TTN: variants seen among roughly 807,000 people sequenced by gnomAD.
The protein encoded by TTN is titin.
Under a neutral mutation model 3,223.0 loss-of-function variants are expected in TTN, and 1,525 were observed. The ratio of observed to expected loss-of-function variants is 0.47; its 90% confidence interval spans 0.45 to 0.49. TTN has a LOEUF of 0.49. TTN is among the 20% of genes least tolerant of loss of function. The pLI is 0.00. For missense variants in TTN, 40,786 were observed against 43,424.0 expected (o/e 0.94, Z 5.40); for synonymous variants, 14,094 against 15,161.0 (o/e 0.93, Z 5.17).
intron 168 of TTN, 99 bp downstream of exon 168, chr2:178,664,361 T>C (rs1577111935): frequency 1.1e-6 from 1 of 951,704 alleles, no homozygotes; most frequent in East Asian, 2.4e-5. Context: ...ACAGACATGA[T>C]TCACATGTAC....
At chr2:178,554,343 T>C in intron 332 of TTN, 110 bp downstream of exon 332, 4 of 1,423,762 alleles carry the variant, frequency 2.8e-6, no homozygotes, top group East Asian at 2.3e-5. Context: ...GTGAAAAGGA[T>C]GGTAATGAGA....
In TTN at chr2:178,701,528, C is replaced by G. The variant is rs779015756; in HGVS notation, c.30598G>C (p.Glu10200Gln). 142 of 1,612,324 alleles carry G rather than the reference C, an allele frequency of 8.8e-5. No individual in the cohort carries two copies. Among genetic ancestry groups the G allele is most frequent in the Non-Finnish European group, 1.2e-4 (138 of 1,179,252 alleles). The change falls in exon 110 of 363, where the codon GAA (glutamate) becomes CAA (glutamine). Residue 10200 changes from glutamate (E) to glutamine (Q), a missense_variant and splice_region_variant. Physicochemically the swap from Glu to Gln is conservative, Grantham distance 29. Transcript: ENST00000589042. ...TMPIRAVPPE[E>Q]IPPVVAPPIP... Reference sequence around the variant, plus strand: ...CAGATGTTGAGGTTCTGGGTCTTACCTTCTGGTGGCACTGCTCTGATAGGC... The same window carrying G: ...CAGATGTTGAGGTTCTGGGTCTTACGTTCTGGTGGCACTGCTCTGATAGGC...
At chr2:178,641,083 T>G (rs1454059942) in intron 220 of TTN, among the ~76,000 whole-genome samples, 158 bp downstream of exon 220, 1 of 151,934 alleles carries the variant, frequency 6.6e-6, no homozygotes, top group African/African-American at 2.4e-5. Flanking sequence ...ATAAAAATAT[T>G]TAAACAGAAA....
chr2:178,552,274 G>A lies in TTN; in HGVS notation c.90626C>T (p.Ala30209Val). The A allele has an allele frequency of 6.2e-7, 1 of 1,613,432 alleles. No homozygotes were observed. Among genetic ancestry groups the A allele is most frequent in the Non-Finnish European group, 8.5e-7 (1 of 1,179,672 alleles). Residue 30209 changes from alanine to valine, a missense_variant, in exon 335 of 363, where the codon GCA (alanine) becomes GTA (valine). By Grantham distance (64) the Ala-to-Val change is moderately conservative. Coordinates refer to ENST00000589042, the MANE Select transcript of TTN (RefSeq NM_001267550.2). ...GGKYTVILDN[A>V]VCRIAVPITV... is the part of the protein sequence containing the mutation. ...AATGGGGACTGCAATTCTACACACT[G>A]CATTATCAAGAATAACAGTGTATTT...
Position 178,777,303 on chromosome 2 carries a change from C to T in TTN, c.4660G>A (p.Val1554Ile). The change falls in exon 27 of 363, where the codon GTA (valine) becomes ATA (isoleucine). Residue 1554 changes from valine (V) to isoleucine (I), a missense_variant. Coordinates refer to ENST00000589042, the MANE Select transcript of TTN (RefSeq NM_001267550.2). ...AGTTTTTCTACAAACATCGGTTTTA[C>T]CTGATGTTCCACAGCTGAAAGAGAA... ...ILTVEAVEHQ[V>I]KPMFVEKLKN... The T allele has an allele frequency of 1.9e-6, 3 of 1,613,798 alleles. No individual in the cohort carries two copies. Among genetic ancestry groups the T allele is most frequent in the Middle Eastern group, 1.6e-4 (1 of 6,062 alleles).
At chr2:178,622,121 T>C in intron 243 of TTN, 113 bp from the exon 244 acceptor site, 1 of 1,016,590 alleles carries the variant, frequency 9.8e-7, no homozygotes, top group Non-Finnish European at 1.4e-6. Flanking sequence ...GACTTCATAG[T>C]GTGAAGAAGA....
In TTN at chr2:178,746,016, C is replaced by T. The variant is rs876658106; in HGVS notation, c.11312-4095G>A. On this transcript the variant is annotated intron_variant, in intron 47 of 362. Transcript: ENST00000589042. ...ATGGTGAGGAATCCCCGACAGATAG[C>T]CTCTCCTACACAATTCACAGCTCTG... 2 of 1,613,294 alleles carry T rather than the reference C, an allele frequency of 1.2e-6. No homozygotes were observed. Among genetic ancestry groups the T allele is most frequent in the Non-Finnish European group, 1.7e-6 (2 of 1,179,478 alleles).
intron 15 of TTN, among the ~76,000 whole-genome samples, chr2:178,784,703 G>A (rs1561383894): frequency 6.6e-6 from 1 of 152,184 alleles, no homozygotes; most frequent in Non-Finnish European, 1.5e-5. Flanking sequence ...CACAGTGGGA[G>A]ATTCAAAATT....
chr2:178,637,076 T>C (rs1287896465), intron 224 of TTN, among the ~76,000 whole-genome samples: 1 of 147,410 alleles, frequency 6.8e-6, no homozygotes, highest in Non-Finnish European at 1.5e-5. Flanking sequence ...TTATCTGCCA[T>C]GTATAAATAC....
Position 178,595,890 on chromosome 2 carries a change from CA to C in TTN, c.57545-82del, listed in dbSNP as rs2051443586. 10 of 1,360,396 alleles carry C rather than the reference CA, an allele frequency of 7.4e-6. No individual in the cohort carries two copies. The South Asian group carries it at 1.4e-4, about 19-fold the overall frequency. The allele number at this position is 1,360,396 out of a possible 1,614,324, so 84.3% of individuals were successfully genotyped here. A position where few individuals can be genotyped will look rare whatever the true frequency, so the allele number is the denominator to read the frequency against. ...CAACACTTGTTTTTTTAAAAGGAGACAAAAATGTTGTTTTGAAGAAAGTAAG... is the reference window on the plus strand; with the variant it reads ...CAACACTTGTTTTTTTAAAAGGAGACAAAATGTTGTTTTGAAGAAAGTAAG... On this transcript the variant is annotated intron_variant, in intron 294 of 362. Transcript: ENST00000589042.
At chr2:178,668,902 T>G (rs1338430317) in intron 159 of TTN, among the ~76,000 whole-genome samples, 3 of 151,444 alleles carry the variant, frequency 2.0e-5, no homozygotes, top group African/African-American at 7.3e-5. Context: ...GTCGTGAGAA[T>G]TCTTTTGAGG....
chr2:178,574,525 A>C lies in TTN; in HGVS notation c.71607T>G (p.Asn23869Lys), dbSNP rs1709390965. 5 of 1,613,416 alleles carry C rather than the reference A, an allele frequency of 3.1e-6. No individual in the cohort carries two copies. The highest frequency in any genetic ancestry group is 4.2e-6 in the Non-Finnish European group (5 of 1,179,622). ...TGCTCACAGTCTGCCAGAGAATACCATTTCGTTCTTTTCTTTCAACATGAT... is the reference window on the plus strand; with the variant it reads ...TGCTCACAGTCTGCCAGAGAATACCCTTTCGTTCTTTTCTTTCAACATGAT... Reference protein sequence around the residue: ...LGYHVERKERNGILWQTVSKA... With the variant: ...LGYHVERKERKGILWQTVSKA... The change falls in exon 326 of 363, where the codon AAT becomes AAG. Residue 23869 changes from asparagine (N) to lysine (K), a missense_variant. Physicochemically the swap from Asn to Lys is moderately conservative, Grantham distance 94. Coordinates refer to ENST00000589042, the MANE Select transcript of TTN (RefSeq NM_001267550.2).
Position 178,714,013 on chromosome 2 carries a change from T to C in TTN, c.26645A>G (p.Asn8882Ser), listed in dbSNP as rs1035818414. 6.2e-7 allele frequency: 1 copy of C among 1,613,508 alleles called. No individual in the cohort carries two copies. Reference protein sequence around the residue: ...SDNKYKISFFNKVSGLKIINV... With the variant: ...SDNKYKISFFSKVSGLKIINV... ...GATGATCTTAAGGCCGGATACTTTGTTGAAGAAGCTTATTTTGTATTTGTT... is the reference window on the plus strand; with the variant it reads ...GATGATCTTAAGGCCGGATACTTTGCTGAAGAAGCTTATTTTGTATTTGTT... Residue 8882 changes from asparagine to serine, a missense_variant, in exon 92 of 363, where the codon AAC becomes AGC. Coordinates refer to ENST00000589042, the MANE Select transcript of TTN (RefSeq NM_001267550.2).
intron 8 of TTN, among the ~76,000 whole-genome samples, chr2:178,793,859 G>A (rs910794847): frequency 5.3e-5 from 8 of 152,112 alleles, no homozygotes; most frequent in African/African-American, 1.9e-4. Context: ...TCACACAAGA[G>A]GATAAGGAGG....
At chr2:178,764,325 T>C in intron 42 of TTN, 23 bp from the exon 43 acceptor site, 1 of 1,613,486 alleles carries the variant, frequency 6.2e-7, no homozygotes, top group Non-Finnish European at 8.5e-7. Flanking sequence ...ACCACAAGAT[T>C]TGTCATGATT....
At chr2:178,806,550 C>T (rs2094328807) in intron 1 of TTN, among the ~76,000 whole-genome samples, 1 of 152,156 alleles carries the variant, frequency 6.6e-6, no homozygotes, top group Non-Finnish European at 1.5e-5. Flanking sequence ...TCATTTTATT[C>T]CAAATCTCCA....
At position 178,597,677 on chromosome 2, in the gene TTN, T is replaced by C. The variant is rs773605848; in HGVS notation, c.57405A>G (p.Gln19135=). The C allele has an allele frequency of 2.5e-5, 41 of 1,613,268 alleles. No homozygotes were observed. Among genetic ancestry groups the C allele is most frequent in the Non-Finnish European group, 3.3e-5 (39 of 1,179,564 alleles). The part of the protein sequence containing the change: ...TWNMNERTLP[Q]EATIETTAIS... ...TGGCTGTGGTCTCAATGGTGGCTTC[T>C]TGAGGTAAGGTTCTTTCATTCATGT... Residue 19135 remains glutamine, a synonymous_variant, in exon 294 of 363, where the codon CAA becomes CAG. Transcript: ENST00000589042.
Position 178,534,231 on chromosome 2 carries a change from A to G in TTN, c.102384T>C (p.Val34128=). 2 of 1,613,898 alleles carry G rather than the reference A, an allele frequency of 1.2e-6. No homozygotes were observed. Among genetic ancestry groups the G allele is most frequent in the Non-Finnish European group, 8.5e-7 (1 of 1,179,844 alleles). The change falls in exon 358 of 363, where the codon GTT becomes GTC. Residue 34128 remains valine (V), a synonymous_variant. Transcript: ENST00000589042. The part of the protein sequence containing the change: ...RSQKGVSVAK[V]KVASIEIGPV... ...GGCCAATTTCAATGGATGCCACTTT[A>G]ACTTTAGCAACACTCACTCCCTTCT...
intron 15 of TTN, among the ~76,000 whole-genome samples, chr2:178,784,948 T>C (rs2093058613): frequency 6.6e-6 from 1 of 152,190 alleles, no homozygotes; most frequent in Non-Finnish European, 1.5e-5. Context: ...GCATAGAAGG[T>C]TTGGGTTCTA....
Sources: gnomAD v4.1 joint callset for allele counts (sites outside exome capture counted in the v4.1 genomes callset) on GRCh38, gnomAD v4.1.1 for gene constraint, MANE v1.5 for transcripts, NCBI Gene and HGNC (gene_info 2026-07-23, HGNC 2026-07-21) for gene names.